ST6GALNAC3: variants seen among roughly 807,000 people sequenced by gnomAD.
The protein encoded by ST6GALNAC3 is alpha-N-acetylgalactosaminide alpha-2,6-sialyltransferase 3.
ST6GALNAC3 carries 25 observed loss-of-function variants against 32.7 expected under a neutral mutation model. That is an observed-to-expected ratio of 0.76 (90% CI 0.56 to 1.07). ST6GALNAC3 has a LOEUF of 1.07. ST6GALNAC3 is among the 50% of genes least tolerant of loss of function. The pLI, the probability that ST6GALNAC3 is intolerant of heterozygous loss-of-function variation, is 0.00. For synonymous variants in ST6GALNAC3, 129 were observed against 133.1 expected (o/e 0.97, Z 0.21); for missense variants, 355 against 382.4 (o/e 0.93, Z 0.60).
chr1:76,170,455 A>G (rs1652417891), intron 1 of ST6GALNAC3, among the ~76,000 whole-genome samples: 1 of 152,090 alleles, frequency 6.6e-6, no homozygotes, highest in African/African-American at 2.4e-5. Flanking sequence ...ATGGGGGAGG[A>G]CTGTTGTTCT....
chr1:76,209,501 C>T (rs1302113074), intron 1 of ST6GALNAC3, among the ~76,000 whole-genome samples: 1 of 152,178 alleles, frequency 6.6e-6, no homozygotes, highest in Non-Finnish European at 1.5e-5. Flanking sequence ...TTTCCTAATA[C>T]ACACAAAGGT....
At chr1:76,617,266 T>C (rs1427013270) in intron 3 of ST6GALNAC3, among the ~76,000 whole-genome samples, 1 of 152,166 alleles carries the variant, frequency 6.6e-6, no homozygotes, top group African/African-American at 2.4e-5. Context: ...GTCAAAAACC[T>C]AAAGAAAAGT....
rs761514862 is a variant in ST6GALNAC3 at position 76,634,127 on chromosome 1, G to GATAC, written c.*5324_*5327dup. The GATAC allele has an allele frequency of 3.2e-5, 31 of 983,836 alleles. No individual in the cohort carries two copies. Among genetic ancestry groups the GATAC allele is most frequent in the Non-Finnish European group, 3.6e-5 (30 of 829,468 alleles). The allele number at this position is 983,836 out of a possible 1,614,324, so 60.9% of individuals were successfully genotyped here. A position where few individuals can be genotyped will look rare whatever the true frequency, so the allele number is the denominator to read the frequency against. On this transcript the variant is annotated 3_prime_UTR_variant, in exon 5 of 5. Transcript: ENST00000328299. ...GTAGAAAACCTCTTCTTTCTCCACA[G>GATAC]ATACATCTCTTTTTGTTCACGCCTT... is the stretch of plus-strand genomic sequence containing the variant.
chr1:76,247,835 C>T (rs751524879), intron 1 of ST6GALNAC3, among the ~76,000 whole-genome samples: 2 of 151,910 alleles, frequency 1.3e-5, no homozygotes, highest in East Asian at 1.9e-4. Flanking sequence ...GTGGACTGTT[C>T]TCCTGTCTCG....
intron 1 of ST6GALNAC3, among the ~76,000 whole-genome samples, chr1:76,184,519 G>GCGCACACACA (rs1335590722): frequency 1.5e-5 from 2 of 134,104 alleles, no homozygotes; most frequent in Admixed American, 7.6e-5. Context: ...CTCCTGGGCA[G>GCGCACACACA]CACACACACA....
chr1:76,270,534 G>C (rs1033429576), intron 1 of ST6GALNAC3, among the ~76,000 whole-genome samples: 1 of 125,650 alleles, frequency 8.0e-6, no homozygotes, highest in Non-Finnish European at 1.7e-5. Flanking sequence ...AAAAAAAAAA[G>C]TTGGCAACCT....
chr1:76,361,351 T>C lies in ST6GALNAC3; in HGVS notation c.213+47352T>C, dbSNP rs200613458. Among the ~76,000 whole-genome samples the C allele has an allele frequency of 1.6e-3, 246 of 152,268 alleles. 2 individuals are homozygous for C. Among genetic ancestry groups the C allele is most frequent in the African/African-American group, 5.8e-3 (240 of 41,550 alleles). Reference sequence around the variant, plus strand: ...GTACTGGTTTTTTTGGTGACTGGCTTATTTCATTTTATATAATGTTCTTAA... The same window carrying C: ...GTACTGGTTTTTTTGGTGACTGGCTCATTTCATTTTATATAATGTTCTTAA... On this transcript the variant is annotated intron_variant, in intron 2 of 4. Coordinates refer to ENST00000328299, the MANE Select transcript of ST6GALNAC3 (RefSeq NM_152996.4).
intron 3 of ST6GALNAC3, among the ~76,000 whole-genome samples, chr1:76,549,270 C>G (rs971863288): frequency 6.6e-6 from 1 of 152,050 alleles, no homozygotes; most frequent in Non-Finnish European, 1.5e-5. Context: ...TTGATGTCCC[C>G]GTGTCCCTTC....
At chr1:76,320,080 A>G (rs11585239) in intron 2 of ST6GALNAC3, among the ~76,000 whole-genome samples, 26,216 of 152,196 alleles carry the variant, frequency 0.17, 3,074 homozygotes, top group African/African-American at 0.33. Context: ...AGAAGGACAG[A>G]TGCCACTGTG....
intron 1 of ST6GALNAC3, among the ~76,000 whole-genome samples, chr1:76,228,177 A>C (rs1415673994): frequency 6.6e-6 from 1 of 152,198 alleles, no homozygotes; most frequent in Non-Finnish European, 1.5e-5. Flanking sequence ...ATTACACAGA[A>C]GTTTGCCTAC....
chr1:76,245,395 A>AT (rs1042956161), intron 1 of ST6GALNAC3, among the ~76,000 whole-genome samples: 1 of 151,706 alleles, frequency 6.6e-6, no homozygotes, highest in Non-Finnish European at 1.5e-5. Flanking sequence ...GGATTCATTG[A>AT]TTTTTTTGAA....
chr1:76,306,020 C>T, intron 1 of ST6GALNAC3: 1 of 442,688 alleles, frequency 2.3e-6, no homozygotes, highest in Non-Finnish European at 4.5e-6. Flanking sequence ...CTGGTACCAG[C>T]CTTAGGTAGA....
At chr1:76,080,073 CAGTG>C (rs1325266547) in intron 1 of ST6GALNAC3, among the ~76,000 whole-genome samples, 2 of 152,144 alleles carry the variant, frequency 1.3e-5, no homozygotes, top group Non-Finnish European at 2.9e-5. Context: ...ATTATAGACT[CAGTG>C]AGAAGGCAAA....
At chr1:76,193,019 A>C (rs559214033) in intron 1 of ST6GALNAC3, among the ~76,000 whole-genome samples, 1 of 152,196 alleles carries the variant, frequency 6.6e-6, no homozygotes, top group Non-Finnish European at 1.5e-5. Context: ...AGCTTAGGAC[A>C]TTTATATAAA....
At chr1:76,215,660 A>G (rs746226440) in intron 1 of ST6GALNAC3, among the ~76,000 whole-genome samples, 4 of 152,214 alleles carry the variant, frequency 2.6e-5, no homozygotes, top group Non-Finnish European at 5.9e-5. Flanking sequence ...GGAGCGTATC[A>G]GGAAGAGTGT....
intron 2 of ST6GALNAC3, among the ~76,000 whole-genome samples, chr1:76,364,261 A>G (rs1470763126): frequency 6.6e-6 from 1 of 152,158 alleles, no homozygotes; most frequent in Non-Finnish European, 1.5e-5. Flanking sequence ...TTAAAAAGTA[A>G]CTCTTGGTCA....
chr1:76,331,289 A>G (rs1261467958), intron 2 of ST6GALNAC3, among the ~76,000 whole-genome samples: 1 of 152,212 alleles, frequency 6.6e-6, no homozygotes, highest in Admixed American at 6.5e-5. Flanking sequence ...GTTGCTTTCT[A>G]TGGCTTATGA....
chr1:76,403,965 G>A (rs771836293), intron 2 of ST6GALNAC3, among the ~76,000 whole-genome samples: 3 of 151,920 alleles, frequency 2.0e-5, no homozygotes, highest in Non-Finnish European at 4.4e-5. Context: ...AACATGTTGC[G>A]TTCCTCTGGC....
chr1:76,421,687 T>C (rs1655037540), intron 3 of ST6GALNAC3, among the ~76,000 whole-genome samples: 1 of 152,070 alleles, frequency 6.6e-6, no homozygotes, highest in Non-Finnish European at 1.5e-5. Flanking sequence ...ATAAATTGCC[T>C]TACTTTTTAA....
Sources: allele counts gnomAD v4.1 joint callset (sites outside exome capture counted in the v4.1 genomes callset), GRCh38; gene constraint gnomAD v4.1.1; transcripts MANE v1.5; gene names NCBI Gene and HGNC (gene_info 2026-07-23, HGNC 2026-07-21).